Variants in ENTREP2 observed in about 807,000 individuals in gnomAD.
ENTREP2 encodes endosomal transmembrane epsin interactor 2, also known as protein ENTREP2.
chr15:29,253,426 A>G, the ENTREP2 span, among the ~76,000 whole-genome samples: 1 of 150,768 alleles, frequency 6.6e-6, no homozygotes, highest in Non-Finnish European at 1.5e-5. Context: ...ATTCAGATCA[A>G]TAAAAGGCAA....
the ENTREP2 span, among the ~76,000 whole-genome samples, chr15:29,301,448 C>A: frequency 6.6e-6 from 1 of 152,256 alleles, no homozygotes; most frequent in South Asian, 2.1e-4. Flanking sequence ...TTCTCTACAC[C>A]GTCTGCTTTT....
At chr15:29,218,774 T>A in the ENTREP2 span, among the ~76,000 whole-genome samples, 1 of 152,170 alleles carries the variant, frequency 6.6e-6, no homozygotes, top group Non-Finnish European at 1.5e-5. Flanking sequence ...TGTAGGAGAA[T>A]GAAACTGGAT....
the ENTREP2 span, among the ~76,000 whole-genome samples, chr15:29,245,602 A>G: frequency 6.6e-6 from 1 of 151,042 alleles, no homozygotes; most frequent in African/African-American, 2.4e-5. Flanking sequence ...AACATAAGGA[A>G]GTATATATAT....
chr15:29,196,601 A>G, the ENTREP2 span: 1 of 1,534,004 alleles, frequency 6.5e-7, no homozygotes. Flanking sequence ...CACCGTTAAC[A>G]GGCATTCGAC....
chr15:29,663,460 A>T, the ENTREP2 span, among the ~76,000 whole-genome samples: 4 of 152,172 alleles, frequency 2.6e-5, no homozygotes, highest in South Asian at 8.3e-4. Context: ...CTTGGAACCA[A>T]CCAAAATGCC....
chr15:29,404,742 A>C, the ENTREP2 span, among the ~76,000 whole-genome samples: 1 of 151,350 alleles, frequency 6.6e-6, no homozygotes. Context: ...CCCTGTGTCC[A>C]CCCACTGGCC....
At chr15:29,226,752 G>C in the ENTREP2 span, among the ~76,000 whole-genome samples, 1,000 of 152,282 alleles carry the variant, frequency 6.6e-3, 7 homozygotes, top group African/African-American at 0.022. Context: ...GGTAATAGAG[G>C]TGGCTACCCC....
the ENTREP2 span, among the ~76,000 whole-genome samples, chr15:29,552,712 A>T: frequency 6.6e-6 from 1 of 152,216 alleles, no homozygotes; most frequent in African/African-American, 2.4e-5. Context: ...TTGGAAAATG[A>T]TATGTTACAC....
chr15:29,657,060 CTTTTT>C, the ENTREP2 span, among the ~76,000 whole-genome samples: 3 of 152,004 alleles, frequency 2.0e-5, no homozygotes, highest in South Asian at 2.1e-4. Flanking sequence ...CAGCTCTTTT[CTTTTT>C]GAGACCGAGT....
the ENTREP2 span, among the ~76,000 whole-genome samples, chr15:29,197,494 G>A: frequency 1.2e-4 from 19 of 152,268 alleles, no homozygotes; most frequent in East Asian, 7.7e-4. Context: ...CAGGCCAGGC[G>A]CGGTGGCTCA....
At chr15:29,539,879 G>A in the ENTREP2 span, among the ~76,000 whole-genome samples, 1 of 152,006 alleles carries the variant, frequency 6.6e-6, no homozygotes, top group African/African-American at 2.4e-5. Flanking sequence ...AAGCCCTGGC[G>A]AGCCCTCACA....
the ENTREP2 span, among the ~76,000 whole-genome samples, chr15:29,236,723 A>G: frequency 1.1e-4 from 16 of 152,204 alleles, no homozygotes; most frequent in Non-Finnish European, 2.2e-4. Context: ...CCAGGCCTAG[A>G]TAGTTTCACT....
the ENTREP2 span, among the ~76,000 whole-genome samples, chr15:29,477,221 C>T: frequency 6.6e-6 from 1 of 151,984 alleles, no homozygotes; most frequent in African/African-American, 2.4e-5. Flanking sequence ...ATACAGGATG[C>T]TAAAAATCAG....
chr15:29,645,418 T>TA, the ENTREP2 span, among the ~76,000 whole-genome samples: 31 of 152,256 alleles, frequency 2.0e-4, no homozygotes, highest in African/African-American at 6.3e-4. Flanking sequence ...CAGGAGCATT[T>TA]ACCCACCAAA....
the ENTREP2 span, among the ~76,000 whole-genome samples, chr15:29,339,816 C>T: frequency 4.6e-5 from 7 of 152,316 alleles, no homozygotes; most frequent in Non-Finnish European, 8.8e-5. Context: ...TTATGTCAAA[C>T]GAGGTCCTGA....
the ENTREP2 span, among the ~76,000 whole-genome samples, chr15:29,348,356 G>A: frequency 6.6e-6 from 1 of 152,156 alleles, no homozygotes; most frequent in African/African-American, 2.4e-5. Flanking sequence ...CAGCAATGTT[G>A]AACGGGTCTG....
chr15:29,211,538 G>C, the ENTREP2 span, among the ~76,000 whole-genome samples: 1 of 152,164 alleles, frequency 6.6e-6, no homozygotes, highest in Admixed American at 6.6e-5. Context: ...GTCAGAGTGG[G>C]CATCCTTGTC....
At chr15:29,318,244 G>A in the ENTREP2 span, among the ~76,000 whole-genome samples, 1 of 152,196 alleles carries the variant, frequency 6.6e-6, no homozygotes, top group Admixed American at 6.5e-5. Flanking sequence ...TTCTCACAGC[G>A]TGTGCTCACT....
the ENTREP2 span, among the ~76,000 whole-genome samples, chr15:29,379,330 C>G: frequency 6.6e-6 from 1 of 152,216 alleles, no homozygotes; most frequent in Non-Finnish European, 1.5e-5. Context: ...GGACAGGGGC[C>G]AGGGTAGCCT....
Sources: allele counts gnomAD v4.1 joint callset (sites outside exome capture counted in the v4.1 genomes callset), GRCh38; gene constraint gnomAD v4.1.1; transcripts MANE v1.5; gene names NCBI Gene and HGNC (gene_info 2026-07-23, HGNC 2026-07-21).